KLF12: variants seen among roughly 807,000 people sequenced by gnomAD.
KLF12 encodes the protein Krueppel-like factor 12.
A neutral mutation model predicts 37.8 loss-of-function variants in KLF12; 9 were observed. The ratio of observed to expected loss-of-function variants is 0.24; its 90% CI spans 0.14 to 0.42. The LOEUF (loss-of-function observed/expected upper bound fraction) is 0.42, where lower values mean the gene tolerates loss of function less well. Ranked by LOEUF, KLF12 falls within the 10% of genes least tolerant of loss-of-function variation. KLF12 has a pLI of 1.00. For synonymous variants in KLF12, 208 were observed against 202.1 expected (o/e 1.03, Z -0.25); for missense variants, 411 against 516.0 (o/e 0.80, Z 1.97).
At chr13:74,128,541 G>A (rs1013911823) in intron 1 of KLF12, among the ~76,000 whole-genome samples, 3 of 152,168 alleles carry the variant, frequency 2.0e-5, no homozygotes, top group African/African-American at 7.2e-5. Context: ...TAAGAAATTT[G>A]ACCAAGGTCA....
chr13:73,765,538 C>T (rs1465927111), intron 5 of KLF12, among the ~76,000 whole-genome samples: 1 of 152,150 alleles, frequency 6.6e-6, no homozygotes. Flanking sequence ...GGAGTACATT[C>T]TGGAAGTGAT....
At chr13:74,294,672 C>T in the KLF12 span, among the ~76,000 whole-genome samples, 870 of 152,202 alleles carry the variant, frequency 5.7e-3, 10 homozygotes, top group African/African-American at 0.02. Flanking sequence ...TGGCCTCTTC[C>T]ACATGCATTC....
intron 3 of KLF12, among the ~76,000 whole-genome samples, chr13:73,865,607 C>T (rs1377097674): frequency 1.3e-5 from 2 of 151,878 alleles, no homozygotes; most frequent in African/African-American, 4.8e-5. Flanking sequence ...AGAATACTAT[C>T]CCAAATTACT....
intron 6 of KLF12, among the ~76,000 whole-genome samples, chr13:73,747,526 A>G (rs773665843): frequency 4.6e-5 from 7 of 152,216 alleles, no homozygotes; most frequent in Non-Finnish European, 7.3e-5. Context: ...GTCAAAGTAC[A>G]TTTTAGCTAG....
intron 4 of KLF12, among the ~76,000 whole-genome samples, chr13:73,838,059 C>G (rs9573312): frequency 6.6e-6 from 1 of 151,962 alleles, no homozygotes; most frequent in East Asian, 1.9e-4. Context: ...CAAGTGAGAA[C>G]GCTGGCGACA....
At chr13:73,995,074 C>T (rs371075302) in intron 1 of KLF12, 21 bp from the exon 2 acceptor site, 3 of 1,540,744 alleles carry the variant, frequency 1.9e-6, no homozygotes, top group Middle Eastern at 1.7e-4. Flanking sequence ...AACACAAAGA[C>T]AAATGATGAG....
rs78895967 is a variant in KLF12 at position 74,057,261 on chromosome 13, T to C, written c.-31-62208A>G. Among the ~76,000 whole-genome samples, 29 of 152,326 alleles carry C rather than the reference T, an allele frequency of 1.9e-4. No homozygotes were observed. The East Asian group carries it at 5.6e-3, about 29-fold the overall frequency. ...AGGCAAGGGAAAAGGGCTGTGTTCC[T>C]GTGTGGGTGGAGACAAAGTACAACA... On this transcript the variant is annotated intron_variant, in intron 1 of 7. Transcript: ENST00000377669.
chr13:74,093,899 C>T (rs1471989352), intron 1 of KLF12, among the ~76,000 whole-genome samples: 1 of 151,744 alleles, frequency 6.6e-6, no homozygotes, highest in East Asian at 1.9e-4. Flanking sequence ...ATTTGAAAGT[C>T]ATTCCTTCTT....
chr13:73,736,888 C>T (rs932143456), intron 6 of KLF12, among the ~76,000 whole-genome samples: 2 of 152,130 alleles, frequency 1.3e-5, no homozygotes, highest in Admixed American at 6.6e-5. Flanking sequence ...AATAAATATA[C>T]TCCAACATAT....
chr13:73,828,524 G>C (rs192592623), intron 4 of KLF12, among the ~76,000 whole-genome samples: 34 of 152,134 alleles, frequency 2.2e-4, no homozygotes, highest in Admixed American at 1.6e-3. Flanking sequence ...CTTTATCCTT[G>C]ACATCCAACT....
chr13:73,720,834 C>T (rs924155936), intron 6 of KLF12, among the ~76,000 whole-genome samples: 13 of 152,146 alleles, frequency 8.5e-5, no homozygotes, highest in African/African-American at 2.9e-4. Context: ...TCATGTGTGA[C>T]CTTAGCATGA....
chr13:73,920,730 C>T (rs1889074522), intron 3 of KLF12, among the ~76,000 whole-genome samples: 1 of 152,080 alleles, frequency 6.6e-6, no homozygotes, highest in Non-Finnish European at 1.5e-5. Flanking sequence ...TTCACTTCTA[C>T]CCCCTCCCTC....
rs1875306302 is a variant in KLF12, at chr13:74,086,447, C to T, written c.-32+47292G>A. On this transcript the variant is annotated intron_variant, in intron 1 of 7. Coordinates refer to ENST00000377669, the MANE Select transcript of KLF12 (RefSeq NM_007249.5). The stretch of plus-strand genomic sequence containing the variant: ...TCCATGTCCCTACAAAGGACATGAA[C>T]TCATCATTTTTATGGCTGCATAGTA... 2.0e-5 allele frequency among the ~76,000 whole-genome samples: 3 copies of T among 152,146 alleles called. No homozygotes were observed. In the East Asian group the frequency reaches 5.8e-4, roughly 29 times the overall value.
At chr13:74,174,725 G>C in the KLF12 span, among the ~76,000 whole-genome samples, 1 of 152,156 alleles carries the variant, frequency 6.6e-6, no homozygotes, top group Non-Finnish European at 1.5e-5. Flanking sequence ...ACGTCTCTCA[G>C]TGCTTTCTAC....
At chr13:74,293,247 C>T in the KLF12 span, among the ~76,000 whole-genome samples, 1 of 152,104 alleles carries the variant, frequency 6.6e-6, no homozygotes, top group Non-Finnish European at 1.5e-5. Flanking sequence ...GGAAGCTGGG[C>T]CAGAAGAGAT....
At chr13:74,240,302 C>G in the KLF12 span, among the ~76,000 whole-genome samples, 1 of 134,478 alleles carries the variant, frequency 7.4e-6, no homozygotes, top group Admixed American at 7.5e-5. Context: ...AGGGTTTCTG[C>G]CGAGAGATCC....
At chr13:74,227,655 A>G in the KLF12 span, among the ~76,000 whole-genome samples, 1 of 152,166 alleles carries the variant, frequency 6.6e-6, no homozygotes, top group Admixed American at 6.6e-5. Flanking sequence ...CCCCGTGGTT[A>G]TAGAATCAGC....
intron 1 of KLF12, among the ~76,000 whole-genome samples, chr13:74,058,246 C>T (rs1404700593): frequency 6.6e-6 from 1 of 151,826 alleles, no homozygotes; most frequent in Non-Finnish European, 1.5e-5. Flanking sequence ...GGATTACAGG[C>T]ATGAGCCACT....
At chr13:74,186,992 T>G in the KLF12 span, among the ~76,000 whole-genome samples, 6 of 152,212 alleles carry the variant, frequency 3.9e-5, no homozygotes, top group African/African-American at 1.4e-4. Flanking sequence ...TGAGCTATCA[T>G]ACAAAAATAT....
Sources: gnomAD v4.1 joint callset for allele counts (sites outside exome capture counted in the v4.1 genomes callset) on GRCh38, gnomAD v4.1.1 for gene constraint, MANE v1.5 for transcripts, NCBI Gene and HGNC (gene_info 2026-07-23, HGNC 2026-07-21) for gene names.